ERICH3: variants seen among roughly 807,000 people sequenced by gnomAD.
ERICH3 encodes the protein glutamate rich 3.
In ERICH3, 126 loss-of-function variants were observed where a neutral mutation model predicts 131.1. That is an observed-to-expected ratio of 0.96 (90% CI 0.83 to 1.11). The LOEUF is 1.11. Ranked by LOEUF, ERICH3 falls within the 50% of genes most tolerant of loss-of-function variation. ERICH3 has a pLI of 0.00. For synonymous variants in ERICH3, 695 were observed against 644.6 expected, an observed-to-expected ratio of 1.08 and a Z score of -1.18; for missense variants, 2,050 against 1,810.7, an observed-to-expected ratio of 1.13 and a Z score of -2.40.
chr1:74,614,379 A>AT (rs1648852782), intron 8 of ERICH3, among the ~76,000 whole-genome samples: 5 of 151,156 alleles, frequency 3.3e-5, no homozygotes, highest in Non-Finnish European at 5.9e-5. Context: ...AAAAAAAAAA[A>AT]AAAAAAAAAA....
chr1:74,600,677 G>A (rs1293060972), intron 10 of ERICH3, among the ~76,000 whole-genome samples: 1 of 151,814 alleles, frequency 6.6e-6, no homozygotes, highest in Non-Finnish European at 1.5e-5. Flanking sequence ...AACTCCAGCT[G>A]TCCCTCGTGG....
At chr1:74,637,869 C>A (rs1433732987) in intron 5 of ERICH3, among the ~76,000 whole-genome samples, 1 of 151,744 alleles carries the variant, frequency 6.6e-6, no homozygotes, top group Admixed American at 6.6e-5. Flanking sequence ...TGGGACTGTG[C>A]CACTGCACTT....
chr1:74,647,960 T>C (rs1341071122), intron 2 of ERICH3, among the ~76,000 whole-genome samples: 4 of 152,154 alleles, frequency 2.6e-5, no homozygotes, highest in African/African-American at 9.6e-5. Flanking sequence ...GAAGCTCCTA[T>C]AGGGCAAAGG....
At chr1:74,652,627 C>T (rs986549838) in intron 1 of ERICH3, among the ~76,000 whole-genome samples, 2 of 151,800 alleles carry the variant, frequency 1.3e-5, no homozygotes, top group African/African-American at 4.8e-5. Context: ...GATTGTGTTG[C>T]AGCTTGTATG....
intron 12 of ERICH3, among the ~76,000 whole-genome samples, chr1:74,581,698 T>G (rs1647186009): frequency 6.6e-6 from 1 of 152,186 alleles, no homozygotes; most frequent in South Asian, 2.1e-4. Context: ...TTCTAAATTA[T>G]ATTAATCATT....
At chr1:74,659,275 C>A (rs1000462744) in intron 1 of ERICH3, among the ~76,000 whole-genome samples, 13 of 152,024 alleles carry the variant, frequency 8.6e-5, no homozygotes, top group African/African-American at 2.9e-4. Flanking sequence ...CACTGTCCTC[C>A]TGCTAGAAGC....
At chr1:74,666,559 G>A (rs535991396) in intron 1 of ERICH3, among the ~76,000 whole-genome samples, 96 of 152,154 alleles carry the variant, frequency 6.3e-4, no homozygotes, top group African/African-American at 2.2e-3. Flanking sequence ...ACTTTAATCC[G>A]AGTATATTTC....
intron 12 of ERICH3, among the ~76,000 whole-genome samples, chr1:74,587,324 CAAAAAAA>C (rs11330631): frequency 5.7e-4 from 32 of 56,260 alleles, no homozygotes; most frequent in East Asian, 4.0e-3. Context: ...GACTCCATCT[CAAAAAAA>C]AAAAAAAAAA....
At chr1:74,595,060 C>T (rs1055870005) in intron 11 of ERICH3, among the ~76,000 whole-genome samples, 1 of 152,074 alleles carries the variant, frequency 6.6e-6, no homozygotes, top group Non-Finnish European at 1.5e-5. Flanking sequence ...CTTCCTATTC[C>T]TTAGTCCAAG....
intron 12 of ERICH3, among the ~76,000 whole-genome samples, chr1:74,583,333 T>A (rs1647212377): frequency 6.6e-6 from 1 of 152,182 alleles, no homozygotes; most frequent in Non-Finnish European, 1.5e-5. Flanking sequence ...AAACTCTATA[T>A]ATACTATGCT....
chr1:74,606,838 T>C lies in ERICH3; in HGVS notation c.1252A>G (p.Thr418Ala), dbSNP rs1310608912. Residue 418 changes from threonine (T) to alanine (A), a missense_variant, in exon 10 of 15, where the codon ACT (threonine) becomes GCT (alanine). By Grantham distance (58) the Thr-to-Ala change is moderately conservative. Transcript: ENST00000326665. ...TTCTTCAGTTCCTCTCCTTTCTCAGTGCTCTTTTCTTTCCTAGATTTCGGC... is the reference window on the plus strand; with the variant it reads ...TTCTTCAGTTCCTCTCCTTTCTCAGCGCTCTTTTCTTTCCTAGATTTCGGC... ...SLPKSRKEKS[T>A]EKGEELKKAE... 1 of 1,612,918 alleles carries C rather than the reference T, an allele frequency of 6.2e-7. No individual in the cohort carries two copies. The highest frequency in any genetic ancestry group is 1.3e-5 in the African/African-American group (1 of 74,796).
chr1:74,664,385 G>A (rs1003642276), intron 1 of ERICH3, among the ~76,000 whole-genome samples: 1 of 150,758 alleles, frequency 6.6e-6, no homozygotes, highest in Non-Finnish European at 1.5e-5. Context: ...CTAATTTACA[G>A]CAGATTATTT....
rs1381761588 is a variant in ERICH3, at chr1:74,572,763, C to T, written c.2947G>A (p.Glu983Lys). ...TCTGTTCTCATAACCTCTTTTCTCT[C>T]TTTGGCTGGTTCCTCTCCCCCAAGA... ...AILGGEEPAK[E>K]RKEVMRTETR... Residue 983 changes from glutamate to lysine, a missense_variant, in exon 14 of 15, where the codon GAG becomes AAG. Transcript: ENST00000326665. The T allele has an allele frequency of 3.1e-6, 5 of 1,613,882 alleles. No individual in the cohort carries two copies. In the East Asian group the frequency reaches 1.1e-4, roughly 36 times the overall value.
chr1:74,642,972 T>C, intron 4 of ERICH3, 55 bp downstream of exon 4: 1 of 1,350,074 alleles, frequency 7.4e-7, no homozygotes, highest in South Asian at 1.2e-5. Context: ...TCACTGTTTT[T>C]TTTAAAATCA....
rs1646907478 is a variant in ERICH3, at chr1:74,569,207, T to C, written c.*1251A>G. 1 of 152,112 alleles carries C rather than the reference T, an allele frequency of 6.6e-6. No homozygotes were observed. The highest frequency in any genetic ancestry group is 1.5e-5 in the Non-Finnish European group (1 of 68,016). 9.4% of individuals were successfully genotyped at this position (152,112 alleles called of 1,614,324 possible). On this transcript the variant is annotated 3_prime_UTR_variant, in exon 15 of 15. Transcript: ENST00000326665. Reference sequence around the variant, plus strand: ...TTAAAAATATATATATACTGATGTGTAGATCCATCTAAAACGAATTAAGTC... The same window carrying C: ...TTAAAAATATATATATACTGATGTGCAGATCCATCTAAAACGAATTAAGTC...
chr1:74,659,320 G>A (rs1317805985), intron 1 of ERICH3, among the ~76,000 whole-genome samples: 1 of 90,276 alleles, frequency 1.1e-5, no homozygotes, highest in African/African-American at 4.7e-5. Flanking sequence ...TGTTGCACAG[G>A]CGCATGTGTG....
At chr1:74,616,856 G>A (rs1648988436) in intron 8 of ERICH3, among the ~76,000 whole-genome samples, 1 of 152,136 alleles carries the variant, frequency 6.6e-6, no homozygotes, top group Admixed American at 6.5e-5. Flanking sequence ...ACAGGCCAAG[G>A]AAGGCCAGTT....
intron 5 of ERICH3, 143 bp downstream of exon 5, chr1:74,641,188 G>A (rs973086660): frequency 7.5e-6 from 7 of 930,124 alleles, no homozygotes; most frequent in African/African-American, 1.8e-5. Context: ...AGACAGAGTT[G>A]AACAGATATA....
Position 74,589,821 on chromosome 1 carries a change from G to T in ERICH3, c.1986C>A (p.Asp662Glu), listed in dbSNP as rs149032235. The T allele has an allele frequency of 6.2e-7, 1 of 1,613,942 alleles. No homozygotes were observed. Among genetic ancestry groups the T allele is most frequent in the Non-Finnish European group, 8.5e-7 (1 of 1,179,956 alleles). Residue 662 changes from aspartate to glutamate, a missense_variant, in exon 12 of 15, where the codon GAC (aspartate) becomes GAA (glutamate). Coordinates refer to ENST00000326665, the MANE Select transcript of ERICH3 (RefSeq NM_001002912.5). ...CTTTAAGAACATTCTCAAAGCTTTC[G>T]TCTATTGGCATCGGCTTGGTCTCCA... is the stretch of plus-strand genomic sequence containing the variant. ...ADVETKPMPI[D>E]ESFENVLKEG...
Sources: gnomAD v4.1 joint callset for allele counts (sites outside exome capture counted in the v4.1 genomes callset) on GRCh38, gnomAD v4.1.1 for gene constraint, MANE v1.5 for transcripts, NCBI Gene and HGNC (gene_info 2026-07-23, HGNC 2026-07-21) for gene names.